The following NR5A2 variants were observed in gnomAD, a reference collection of about 807,000 sequenced individuals.
The protein encoded by NR5A2 is nuclear receptor subfamily 5 group A member 2.
A neutral mutation model predicts 62.7 loss-of-function variants in NR5A2; 26 were observed. That is an observed-to-expected ratio of 0.41 (90% CI 0.30 to 0.58). NR5A2 has a LOEUF of 0.58. NR5A2 is among the 20% of genes least tolerant of loss of function. The probability of loss-of-function intolerance (pLI) is 0.22; values close to 1 mark genes in which losing one functional copy is unlikely to be tolerated. For synonymous variants in NR5A2, 246 were observed against 241.7 expected (o/e 1.02, Z -0.16); for missense variants, 541 against 669.1 (o/e 0.81, Z 2.11).
Position 200,108,081 on chromosome 1 carries a change from CGTGTGTGTGT to C in NR5A2, c.1111-3096_1111-3087del, listed in dbSNP as rs71132660. Among the ~76,000 whole-genome samples the C allele has an allele frequency of 4.1e-3, 599 of 146,768 alleles. 1 individual carries two copies. Among genetic ancestry groups the C allele is most frequent in the Middle Eastern group, 0.035 (10 of 288 alleles). Reference sequence around the variant, plus strand: ...TGATGAGATGGCTCTAGAAGACATACGTGTGTGTGTGTGTGTGTGTGTGTGTGTGTGTGTC... The same window carrying C: ...TGATGAGATGGCTCTAGAAGACATACGTGTGTGTGTGTGTGTGTGTGTGTC... On this transcript the variant is annotated intron_variant, in intron 5 of 7. Transcript: ENST00000367362.
chr1:200,148,037 G>T (rs1035558147), intron 7 of NR5A2: 9 of 303,450 alleles, frequency 3.0e-5, no homozygotes, highest in African/African-American at 1.6e-4. Flanking sequence ...TGGGCAGGTC[G>T]CTGGAGCGCA....
chr1:200,159,069 A>G (rs1653517102), intron 7 of NR5A2, among the ~76,000 whole-genome samples: 1 of 151,198 alleles, frequency 6.6e-6, no homozygotes, highest in Admixed American at 6.6e-5. Flanking sequence ...TAATTTTTAA[A>G]TTTTTTGTCA....
At chr1:200,091,749 C>T (rs1312766698) in intron 5 of NR5A2, among the ~76,000 whole-genome samples, 1 of 152,182 alleles carries the variant, frequency 6.6e-6, no homozygotes, top group African/African-American at 2.4e-5. Context: ...TCCCGAAGTG[C>T]TGGGATTACA....
At chr1:200,067,070 T>C (rs997568438) in intron 5 of NR5A2, among the ~76,000 whole-genome samples, 3 of 152,172 alleles carry the variant, frequency 2.0e-5, no homozygotes, top group Non-Finnish European at 4.4e-5. Flanking sequence ...CCTAAAAAAT[T>C]TAGACATTAG....
At chr1:200,129,685 A>G (rs1666876519) in intron 7 of NR5A2, among the ~76,000 whole-genome samples, 1 of 152,242 alleles carries the variant, frequency 6.6e-6, no homozygotes, top group Non-Finnish European at 1.5e-5. Flanking sequence ...CTGCAGTTCC[A>G]TTAGCTAATC....
intron 5 of NR5A2, among the ~76,000 whole-genome samples, chr1:200,049,131 A>T (rs1188168266): frequency 1.3e-5 from 2 of 152,102 alleles, no homozygotes; most frequent in Non-Finnish European, 2.9e-5. Context: ...GGCTTAAAAC[A>T]TTTCAAGTCA....
intron 7 of NR5A2, among the ~76,000 whole-genome samples, chr1:200,121,744 G>A (rs975141310): frequency 1.3e-5 from 2 of 152,184 alleles, no homozygotes; most frequent in Non-Finnish European, 2.9e-5. Context: ...CTTATTGGCA[G>A]ACAGCTGAGG....
chr1:200,048,200 A>C lies in NR5A2; in HGVS notation c.492A>C (p.Gly164=), dbSNP rs761565865. ...EAVRADRMRG[G]RNKFGPMYKR... is the part of the protein sequence containing the mutation. ...TAAGGGCCGACCGAATGCGTGGAGGAAGGAATAAGTTTGGGCCAATGTACA... is the reference window on the plus strand; with the variant it reads ...TAAGGGCCGACCGAATGCGTGGAGGCAGGAATAAGTTTGGGCCAATGTACA... The change falls in exon 5 of 8, where the codon GGA becomes GGC. Residue 164 remains glycine (G), a synonymous_variant. Transcript: ENST00000367362. The surrounding 1 kb of genome is among the most constrained non-coding windows in gnomAD (Gnocchi z 4.8). The C allele has an allele frequency of 6.2e-7, 1 of 1,609,506 alleles. No individual in the cohort carries two copies. The highest frequency in any genetic ancestry group is 8.5e-7 in the Non-Finnish European group (1 of 1,177,240).
At chr1:200,074,736 C>CAAAAAAAAAAA (rs199556915) in intron 5 of NR5A2, among the ~76,000 whole-genome samples, 26 of 67,540 alleles carry the variant, frequency 3.8e-4, no homozygotes, top group East Asian at 1.3e-3. Context: ...GAGTCCATCT[C>CAAAAAAAAAAA]AAAAAAAAAA....
chr1:200,106,248 G>A (rs1223773682), intron 5 of NR5A2, among the ~76,000 whole-genome samples: 1 of 151,958 alleles, frequency 6.6e-6, no homozygotes, highest in African/African-American at 2.4e-5. Context: ...TAGTAGAGAC[G>A]GGGTTTCACT....
intron 7 of NR5A2, among the ~76,000 whole-genome samples, chr1:200,130,302 AGAAGAAGAAGAAGAAGAAG>A (rs775145834): frequency 1.4e-3 from 167 of 119,008 alleles, no homozygotes; most frequent in South Asian, 2.4e-3. Context: ...AAGAAGAAGA[AGAAGAAGAAGAAGAAGAAG>A]AAAAAAAAAA....
At chr1:200,112,655 G>GCTAT (rs1406940480) in intron 6 of NR5A2, among the ~76,000 whole-genome samples, 1 of 152,186 alleles carries the variant, frequency 6.6e-6, no homozygotes, top group Non-Finnish European at 1.5e-5. Flanking sequence ...TCTGGTCCTT[G>GCTAT]CTATCTGCAC....
rs541058384 is a variant in NR5A2 at position 200,175,718 on chromosome 1, T to A, written c.*1508T>A. ...ATTTCCTTAATGTTATTTTTCTGAT[T>A]GGTAATTATTTTTAACAGTACTTAA... On this transcript the variant is annotated 3_prime_UTR_variant, in exon 8 of 8. Coordinates refer to ENST00000367362, the MANE Select transcript of NR5A2 (RefSeq NM_205860.3). The A allele has an allele frequency of 1.3e-5, 2 of 152,678 alleles. No individual in the cohort carries two copies. The highest frequency in any genetic ancestry group is 3.9e-4 in the East Asian group (2 of 5,194). The allele number at this position is 152,678 out of a possible 1,614,324, so 9.5% of individuals were successfully genotyped here.
In NR5A2 at chr1:200,039,567, C is replaced by T; in HGVS notation, c.65-91C>T. On this transcript the variant is annotated intron_variant, in intron 1 of 7. Coordinates refer to ENST00000367362, the MANE Select transcript of NR5A2 (RefSeq NM_205860.3). The surrounding 1 kb of genome is among the most constrained non-coding windows in gnomAD (Gnocchi z 5.1). ...GCAGCCCCGAGGAGGCGGAGGCACG[C>T]TCCGGCGAGGCGAGAGGGTTGGGTT... 1 of 1,575,818 alleles carries T rather than the reference C, an allele frequency of 6.3e-7. No homozygotes were observed. Among genetic ancestry groups the T allele is most frequent in the South Asian group, 1.1e-5 (1 of 88,288 alleles).
intron 6 of NR5A2, among the ~76,000 whole-genome samples, chr1:200,115,670 CT>C (rs1254744457): frequency 6.6e-6 from 1 of 152,074 alleles, no homozygotes; most frequent in African/African-American, 2.4e-5. Context: ...AATGACTGCC[CT>C]TTGCATAGTG....
At chr1:200,171,364 C>T (rs1044209657) in intron 7 of NR5A2, among the ~76,000 whole-genome samples, 6 of 152,146 alleles carry the variant, frequency 3.9e-5, no homozygotes, top group Non-Finnish European at 8.8e-5. Context: ...AAATATGAGA[C>T]ACCTATATAT....
At chr1:200,119,188 A>G (rs1397762195) in intron 6 of NR5A2, among the ~76,000 whole-genome samples, 4 of 152,098 alleles carry the variant, frequency 2.6e-5, no homozygotes, top group Non-Finnish European at 5.9e-5. Flanking sequence ...TGAAAATTCA[A>G]CTCATCATAT....
intron 5 of NR5A2, among the ~76,000 whole-genome samples, chr1:200,052,887 G>A (rs1031007083): frequency 1.1e-4 from 16 of 152,254 alleles, no homozygotes; most frequent in Non-Finnish European, 1.3e-4. Flanking sequence ...CGATCCGCCC[G>A]CCTTGGCCTC....
intron 7 of NR5A2, among the ~76,000 whole-genome samples, chr1:200,156,044 C>T (rs999516924): frequency 6.6e-6 from 1 of 152,196 alleles, no homozygotes; most frequent in Non-Finnish European, 1.5e-5. Flanking sequence ...CCAACTGAAA[C>T]TTAGAGAACT....
Sources: gnomAD v4.1 joint callset for allele counts (sites outside exome capture counted in the v4.1 genomes callset) on GRCh38, gnomAD v4.1.1 for gene constraint, Gnocchi (gnomAD v3.1) non-coding constraint, MANE v1.5 for transcripts, NCBI Gene and HGNC (gene_info 2026-07-23, HGNC 2026-07-21) for gene names.